SGCD: variants seen among roughly 807,000 people sequenced by gnomAD.
SGCD encodes the protein sarcoglycan delta.
In SGCD, 18 loss-of-function variants were observed where a neutral mutation model predicts 36.6. The observed-to-expected ratio is 0.49, with a 90% CI of 0.34 to 0.73. The LOEUF is 0.73. Ranked by LOEUF, SGCD falls within the 30% of genes least tolerant of loss-of-function variation. SGCD has a pLI of 0.01. For synonymous variants in SGCD, 133 were observed against 130.6 expected, an observed-to-expected ratio of 1.02 and a Z score of -0.12; for missense variants, 387 against 346.7, an observed-to-expected ratio of 1.12 and a Z score of -0.92.
chr5:156,725,948 GCTTT>G (rs1457679451), intron 7 of SGCD, among the ~76,000 whole-genome samples: 5 of 152,102 alleles, frequency 3.3e-5, no homozygotes, highest in African/African-American at 1.2e-4. Context: ...TTACTCTTAT[GCTTT>G]CTGTCAACTA....
At chr5:156,518,897 G>A (rs1410000552) in intron 4 of SGCD, among the ~76,000 whole-genome samples, 1 of 152,104 alleles carries the variant, frequency 6.6e-6, no homozygotes, top group Non-Finnish European at 1.5e-5. Flanking sequence ...GCATCAGAAA[G>A]CTAGAAAGAT....
At chr5:156,668,900 A>G (rs1753172182) in intron 7 of SGCD, among the ~76,000 whole-genome samples, 1 of 152,156 alleles carries the variant, frequency 6.6e-6, no homozygotes, top group African/African-American at 2.4e-5. Context: ...CATATTTTCA[A>G]TTGAGACTCT....
At chr5:155,758,007 G>A in the SGCD span, among the ~76,000 whole-genome samples, 18 of 152,036 alleles carry the variant, frequency 1.2e-4, no homozygotes, top group African/African-American at 4.3e-4. Context: ...TGCCATTATT[G>A]TGAGGCTTCT....
the SGCD span, among the ~76,000 whole-genome samples, chr5:155,785,979 A>T: frequency 6.6e-6 from 1 of 152,138 alleles, no homozygotes; most frequent in African/African-American, 2.4e-5. Context: ...GGATTTCACT[A>T]ATGTTACGTT....
chr5:156,451,067 C>T (rs1172916561), intron 3 of SGCD, among the ~76,000 whole-genome samples: 1 of 146,138 alleles, frequency 6.8e-6, no homozygotes, highest in Non-Finnish European at 1.5e-5. Flanking sequence ...CCCTTCCCCT[C>T]CCCTTGCCTC....
intron 1 of SGCD, among the ~76,000 whole-genome samples, chr5:155,955,406 G>A (rs1048480974): frequency 1.6e-4 from 24 of 152,212 alleles, no homozygotes; most frequent in African/African-American, 5.5e-4. Flanking sequence ...TGGAACTAGG[G>A]TTGGCTTATA....
chr5:155,827,268 T>C, the SGCD span, among the ~76,000 whole-genome samples: 1 of 152,190 alleles, frequency 6.6e-6, no homozygotes, highest in Non-Finnish European at 1.5e-5. Flanking sequence ...TACTGTTTCA[T>C]GTAAAATGAG....
At chr5:155,971,827 C>T (rs1758011866) in intron 1 of SGCD, among the ~76,000 whole-genome samples, 1 of 152,082 alleles carries the variant, frequency 6.6e-6, no homozygotes, top group South Asian at 2.1e-4. Flanking sequence ...AGGAATCATT[C>T]GTGCCACTTT....
At chr5:156,164,187 T>A (rs1347513978) in intron 3 of SGCD, among the ~76,000 whole-genome samples, 2 of 151,530 alleles carry the variant, frequency 1.3e-5, no homozygotes, top group Non-Finnish European at 2.9e-5. Flanking sequence ...TATAGCCACA[T>A]AGTCACCCAT....
intron 1 of SGCD, among the ~76,000 whole-genome samples, chr5:155,930,828 A>G (rs1561653695): frequency 6.6e-6 from 1 of 152,220 alleles, no homozygotes. Flanking sequence ...AAAACTTAAG[A>G]TTAAAGTATT....
intron 3 of SGCD, among the ~76,000 whole-genome samples, chr5:156,423,471 ATAAT>A (rs1490737334): frequency 2.8e-4 from 31 of 111,790 alleles, no homozygotes; most frequent in Admixed American, 7.9e-4. Flanking sequence ...TAATTAAATA[ATAAT>A]TAATTAATAT....
chr5:155,937,534 A>G (rs1757234256), intron 1 of SGCD, among the ~76,000 whole-genome samples: 1 of 152,244 alleles, frequency 6.6e-6, no homozygotes, highest in Admixed American at 6.5e-5. Flanking sequence ...AAGGCCAGAA[A>G]GGAATGAGTG....
At chr5:156,078,390 G>A (rs780047632) in intron 1 of SGCD, among the ~76,000 whole-genome samples, 5 of 151,328 alleles carry the variant, frequency 3.3e-5, no homozygotes, top group Non-Finnish European at 7.4e-5. Flanking sequence ...AGGCTCACCT[G>A]TAATCCCAGC....
chr5:156,706,152 C>T (rs1160592657), intron 7 of SGCD, among the ~76,000 whole-genome samples: 1 of 151,920 alleles, frequency 6.6e-6, no homozygotes, highest in Non-Finnish European at 1.5e-5. Context: ...AATTCCAACC[C>T]ATAAGGATTA....
intron 1 of SGCD, among the ~76,000 whole-genome samples, chr5:155,880,658 A>G (rs1755862872): frequency 6.6e-6 from 1 of 152,174 alleles, no homozygotes; most frequent in South Asian, 2.1e-4. Flanking sequence ...CATCGTCATT[A>G]TGCTTGAGTT....
intron 3 of SGCD, among the ~76,000 whole-genome samples, chr5:156,437,842 G>A (rs1753307980): frequency 6.6e-6 from 1 of 152,158 alleles, no homozygotes; most frequent in Non-Finnish European, 1.5e-5. Flanking sequence ...TGATAGCCAA[G>A]TTCAAGTTTT....
At chr5:155,763,212 G>C in the SGCD span, among the ~76,000 whole-genome samples, 1 of 152,046 alleles carries the variant, frequency 6.6e-6, no homozygotes, top group African/African-American at 2.4e-5. Flanking sequence ...CTAATTTCAG[G>C]GATGAAGGAA....
At chr5:156,331,167 G>T (rs576315063) in intron 2 of SGCD, among the ~76,000 whole-genome samples, 1 of 152,252 alleles carries the variant, frequency 6.6e-6, no homozygotes, top group Non-Finnish European at 1.5e-5. Context: ...GAATTATCTG[G>T]GTTACTTTTC....
intron 3 of SGCD, among the ~76,000 whole-genome samples, chr5:156,374,043 AT>A (rs1467066193): frequency 6.6e-6 from 1 of 151,540 alleles, no homozygotes; most frequent in Non-Finnish European, 1.5e-5. Flanking sequence ...ATTTTATTTT[AT>A]TTTTTCGTGA....
Sources: gnomAD v4.1 joint callset for allele counts (sites outside exome capture counted in the v4.1 genomes callset) on GRCh38, gnomAD v4.1.1 for gene constraint, MANE v1.5 for transcripts, NCBI Gene and HGNC (gene_info 2026-07-23, HGNC 2026-07-21) for gene names.